The following KCNMA1 variants were observed in gnomAD, a reference collection of about 807,000 sequenced individuals.
KCNMA1 encodes potassium calcium-activated channel subfamily M alpha 1, also known as Calcium-activated potassium channel subunit alpha-1.
In KCNMA1, 29 loss-of-function variants were observed where a neutral mutation model predicts 140.0. That is an observed-to-expected ratio of 0.21 (90% CI 0.15 to 0.28). The LOEUF (loss-of-function observed/expected upper bound fraction) is 0.28. Ranked by LOEUF, KCNMA1 falls within the 10% of genes least tolerant of loss-of-function variation. KCNMA1 has a pLI of 1.00. For synonymous variants in KCNMA1, 612 were observed against 611.9 expected, an observed-to-expected ratio of 1.00 and a Z score of 0.00; for missense variants, 880 against 1,602.2, an observed-to-expected ratio of 0.55 and a Z score of 7.70.
intron 23 of KCNMA1, among the ~76,000 whole-genome samples, chr10:76,943,228 T>G (rs1316977222): frequency 2.6e-5 from 4 of 152,196 alleles, no homozygotes; most frequent in Non-Finnish European, 5.9e-5. Flanking sequence ...AGGATGCAGC[T>G]GGGAGTAAGC....
In KCNMA1 at chr10:76,949,304, G is replaced by T. The variant is rs147369374; in HGVS notation, c.2547C>A (p.Asp849Glu). ...GGAGGCCGATCAGGGCTGAGCTGAC[G>T]TCGCCAAAGATGCAGACCACGACAT... ...SGHVVVCIFG[D>E]VSSALIGLRN... Residue 849 changes from aspartate to glutamate, a missense_variant, in exon 22 of 28, where the codon GAC becomes GAA. Transcript: ENST00000286628. The T allele has an allele frequency of 1.2e-6, 2 of 1,614,006 alleles. No individual in the cohort carries two copies. The highest frequency in any genetic ancestry group is 3.3e-5 in the Admixed American group (2 of 59,994).
intron 2 of KCNMA1, among the ~76,000 whole-genome samples, chr10:77,294,480 A>G (rs1417968194): frequency 2.6e-5 from 4 of 152,228 alleles, no homozygotes; most frequent in African/African-American, 7.2e-5. Flanking sequence ...AACAACTATC[A>G]TTATTTAAGG....
rs890011674 is a variant in KCNMA1 at position 77,185,900 on chromosome 10, T to C, written c.603-984A>G. Among the ~76,000 whole-genome samples, 5 of 151,750 alleles carry C rather than the reference T, an allele frequency of 3.3e-5. No homozygotes were observed. In the South Asian group the frequency reaches 1.0e-3, roughly 32 times the overall value. Reference sequence around the variant, plus strand: ...AATAGTAACACCCAGGCCAGGAACGTGAAGGTGAAGTGAGGTGAGGGAAAG... The same window carrying C: ...AATAGTAACACCCAGGCCAGGAACGCGAAGGTGAAGTGAGGTGAGGGAAAG... On this transcript the variant is annotated intron_variant, in intron 3 of 27. Transcript: ENST00000286628.
intron 1 of KCNMA1, among the ~76,000 whole-genome samples, chr10:77,473,923 C>T (rs911327272): frequency 1.5e-4 from 23 of 152,196 alleles, no homozygotes; most frequent in African/African-American, 5.3e-4. Context: ...GAAGGACTGC[C>T]AGCTAGCTCC....
intron 3 of KCNMA1, among the ~76,000 whole-genome samples, chr10:77,246,473 C>G (rs2058565208): frequency 6.6e-6 from 1 of 152,130 alleles, no homozygotes; most frequent in Admixed American, 6.5e-5. Flanking sequence ...AATTTCTAGG[C>G]CAAGGGATGA....
At chr10:77,079,402 G>A (rs2096499902) in intron 13 of KCNMA1, 79 bp downstream of exon 13, 1 of 802,538 alleles carries the variant, frequency 1.2e-6, no homozygotes, top group Admixed American at 1.7e-5. Context: ...GTGTGTGTGT[G>A]TGAGCCTGTA....
At chr10:77,326,361 T>C (rs2084214942) in intron 2 of KCNMA1, among the ~76,000 whole-genome samples, 1 of 152,214 alleles carries the variant, frequency 6.6e-6, no homozygotes, top group African/African-American at 2.4e-5. Flanking sequence ...GGCTTTGTAA[T>C]AGTTACTTTA....
In KCNMA1 at chr10:77,084,674, C is replaced by T. The variant is rs202213336; in HGVS notation, c.1486G>A (p.Ala496Thr). The T allele has an allele frequency of 2.8e-5, 45 of 1,614,018 alleles. No individual in the cohort carries two copies. Among genetic ancestry groups the T allele is most frequent in the Admixed American group, 3.3e-5 (2 of 59,990 alleles). Residue 496 changes from alanine to threonine, a missense_variant, in exon 12 of 28, where the codon GCT becomes ACT. Transcript: ENST00000286628. ...ACLILANKYC[A>T]DPDAEDASNI... ...GAGGCATCCTCCGCATCCGGGTCAG[C>T]GCAGTACTTGTTGGCAAGGATCAGG...
intron 1 of KCNMA1, among the ~76,000 whole-genome samples, chr10:77,561,213 C>A (rs1230266521): frequency 6.6e-6 from 1 of 152,072 alleles, no homozygotes; most frequent in Non-Finnish European, 1.5e-5. Context: ...ATGGGCTTCA[C>A]ACACATTATC....
At chr10:77,073,382 C>T (rs904528987) in intron 13 of KCNMA1, 130 bp from the exon 14 acceptor site, 13 of 905,488 alleles carry the variant, frequency 1.4e-5, no homozygotes, top group South Asian at 4.2e-5. Flanking sequence ...TCCCTTGCTG[C>T]GGTCTGATGT....
At chr10:77,317,484 GA>G in intron 2 of KCNMA1, among the ~76,000 whole-genome samples, 1 of 152,340 alleles carries the variant, frequency 6.6e-6, no homozygotes, top group Admixed American at 6.5e-5. Context: ...ATGAGTATTG[GA>G]GGATTAGTTG....
chr10:77,536,572 C>T lies in KCNMA1; in HGVS notation c.378+100693G>A, dbSNP rs552930779. Among the ~76,000 whole-genome samples, 11 of 152,270 alleles carry T rather than the reference C, an allele frequency of 7.2e-5. No homozygotes were observed. The South Asian group carries it at 1.5e-3, about 20-fold the overall frequency. On this transcript the variant is annotated intron_variant, in intron 1 of 27. Transcript: ENST00000286628. Reference sequence around the variant, plus strand: ...CTTACTATGAAAATAACATTAGGTACGTTGACTGCCTCCCCCAGGTAGAGA... The same window carrying T: ...CTTACTATGAAAATAACATTAGGTATGTTGACTGCCTCCCCCAGGTAGAGA...
intron 3 of KCNMA1, among the ~76,000 whole-genome samples, chr10:77,214,315 G>A (rs777496359): frequency 1.6e-4 from 24 of 151,924 alleles, no homozygotes; most frequent in Non-Finnish European, 3.4e-4. Context: ...GGATGGCCTC[G>A]CCTCATCATG....
chr10:77,073,378 G>T, intron 13 of KCNMA1, 126 bp from the exon 14 acceptor site: 1 of 932,616 alleles, frequency 1.1e-6, no homozygotes, highest in Non-Finnish European at 1.7e-6. Context: ...CTTTTCCCTT[G>T]CTGCGGTCTG....
intron 23 of KCNMA1, among the ~76,000 whole-genome samples, chr10:76,940,998 A>AAGGAAGGAAGGAAGG (rs2061823952): frequency 1.9e-4 from 12 of 63,286 alleles, no homozygotes; most frequent in African/African-American, 6.6e-4. Context: ...AGAGAGAAAG[A>AAGGAAGGAAGGAAGG]AAGGAAGGAA....
chr10:77,633,154 A>C (rs531353893), intron 1 of KCNMA1, among the ~76,000 whole-genome samples: 7 of 152,302 alleles, frequency 4.6e-5, no homozygotes, highest in African/African-American at 1.7e-4. Context: ...GTCTCTACTT[A>C]AAATACAAAA....
chr10:77,342,967 G>A (rs867709195), intron 2 of KCNMA1, among the ~76,000 whole-genome samples: 14 of 152,144 alleles, frequency 9.2e-5, no homozygotes, highest in Middle Eastern at 3.2e-3. Flanking sequence ...TCAGGTCTCC[G>A]AGAGCTTTGA....
intron 2 of KCNMA1, chr10:77,373,710 T>C (rs1411037923): frequency 1.3e-5 from 2 of 152,166 alleles, no homozygotes; most frequent in African/African-American, 4.8e-5. Flanking sequence ...TCCATCCCAC[T>C]GATGCAAAAA....
chr10:77,579,774 A>G (rs1357824779), intron 1 of KCNMA1, among the ~76,000 whole-genome samples: 3 of 152,148 alleles, frequency 2.0e-5, no homozygotes, highest in Non-Finnish European at 2.9e-5. Flanking sequence ...GGCCCTTGTG[A>G]TGGTTTAGGT....
Sources: allele counts gnomAD v4.1 joint callset (sites outside exome capture counted in the v4.1 genomes callset), GRCh38; gene constraint gnomAD v4.1.1; transcripts MANE v1.5; gene names NCBI Gene and HGNC (gene_info 2026-07-23, HGNC 2026-07-21).